Variants in ITPRID1 observed in about 807,000 individuals in gnomAD.
The protein encoded by ITPRID1 is ITPR interacting domain containing 1, also known as protein ITPRID1.
ITPRID1 carries 96 observed loss-of-function variants against 95.4 expected under a neutral mutation model. The ratio of observed to expected loss-of-function variants is 1.01; its 90% CI spans 0.85 to 1.19. ITPRID1 has a LOEUF of 1.19. Ranked by LOEUF, ITPRID1 falls within the 50% of genes most tolerant of loss-of-function variation. The probability of loss-of-function intolerance (pLI) is 0.00; values close to 1 mark genes in which losing one functional copy is unlikely to be tolerated. For missense variants in ITPRID1, 1,339 were observed against 1,252.9 expected (o/e 1.07, Z -1.04); for synonymous variants, 510 against 453.6 (o/e 1.12, Z -1.58).
intron 10 of ITPRID1, among the ~76,000 whole-genome samples, chr7:31,620,301 C>A (rs1030010583): frequency 1.3e-5 from 2 of 152,102 alleles, no homozygotes; most frequent in African/African-American, 4.8e-5. Flanking sequence ...GGGCAGACTG[C>A]CTCCTCAAGT....
chr7:31,628,014 A>T (rs1788633196), intron 10 of ITPRID1, among the ~76,000 whole-genome samples: 1 of 152,192 alleles, frequency 6.6e-6, no homozygotes, highest in East Asian at 1.9e-4. Context: ...AAGCACCTCA[A>T]GGTTAATAAG....
At position 31,642,246 on chromosome 7, in the gene ITPRID1, G is replaced by A. The variant is rs1277567601; in HGVS notation, c.1299G>A (p.Pro433=). Residue 433 remains proline, a synonymous_variant, in exon 11 of 15, where the codon CCG becomes CCA. Coordinates refer to ENST00000615280, the MANE Select transcript of ITPRID1 (RefSeq NM_001257967.3). ...GGTTCCTGGAGGAGCCGCTGGAACCGCTGCCCCTCCAGGTAGGAGGGTTTG... is the reference window on the plus strand; with the variant it reads ...GGTTCCTGGAGGAGCCGCTGGAACCACTGCCCCTCCAGGTAGGAGGGTTTG... The part of the protein sequence containing the change: ...SSGFLEEPLE[P]LPLQMPSLPN... 1.1e-5 allele frequency: 17 copies of A among 1,552,180 alleles called. No individual in the cohort carries two copies. The highest frequency in any genetic ancestry group is 8.2e-5 in the African/African-American group (6 of 73,132).
chr7:31,586,843 A>C (rs1785636348), intron 10 of ITPRID1, among the ~76,000 whole-genome samples: 1 of 151,686 alleles, frequency 6.6e-6, no homozygotes, highest in African/African-American at 2.4e-5. Context: ...TCTTTAGTTT[A>C]ATTAGATCCC....
intron 2 of ITPRID1, among the ~76,000 whole-genome samples, 174 bp downstream of exon 2, chr7:31,549,673 G>C (rs1439351672): frequency 6.6e-6 from 1 of 152,130 alleles, no homozygotes; most frequent in African/African-American, 2.4e-5. Context: ...TGACCTGAAA[G>C]CACTTGCTCT....
chr7:31,561,706 C>A (rs994112313), intron 5 of ITPRID1, among the ~76,000 whole-genome samples: 1 of 152,146 alleles, frequency 6.6e-6, no homozygotes, highest in African/African-American at 2.4e-5. Context: ...ATCTCCAGGG[C>A]GTTGTCTGTT....
Position 31,549,468 on chromosome 7 carries a change from G to T in ITPRID1, c.-55G>T. ...ACAAGAAGCAACACACAGAAGAGAAGGAAAAAGAAAGAAAACTGACCAATA... is the reference window on the plus strand; with the variant it reads ...ACAAGAAGCAACACACAGAAGAGAATGAAAAAGAAAGAAAACTGACCAATA... On this transcript the variant is annotated 5_prime_UTR_variant, in exon 2 of 15. The change creates a new upstream start codon in the 5' untranslated region. Transcript: ENST00000615280. The T allele has an allele frequency of 6.6e-7, 1 of 1,521,128 alleles. No individual in the cohort carries two copies. The highest frequency in any genetic ancestry group is 8.8e-7 in the Non-Finnish European group (1 of 1,140,988). The allele number at this position is 1,521,128 out of a possible 1,614,324, so 94.2% of individuals were successfully genotyped here.
rs755674766 is a variant in ITPRID1, at chr7:31,643,850, C to T, written c.2480C>T (p.Ser827Leu). Residue 827 changes from serine (S) to leucine (L), a missense_variant, in exon 12 of 15, where the codon TCA (serine) becomes TTA (leucine). Coordinates refer to ENST00000615280, the MANE Select transcript of ITPRID1 (RefSeq NM_001257967.3). Reference protein sequence around the residue: ...GERQSPGPEPSVCRHCLCSLT... With the variant: ...GERQSPGPEPLVCRHCLCSLT... ...AGGCAAAGCCCTGGCCCTGAACCCT[C>T]AGTCTGTAGGCACTGCCTGTGTTCA... 2 of 1,613,946 alleles carry T rather than the reference C, an allele frequency of 1.2e-6. No homozygotes were observed. Among genetic ancestry groups the T allele is most frequent in the Non-Finnish European group, 1.7e-6 (2 of 1,179,894 alleles).
intron 1 of ITPRID1, among the ~76,000 whole-genome samples, chr7:31,532,112 T>C (rs1023890857): frequency 6.6e-5 from 10 of 152,178 alleles, no homozygotes; most frequent in African/African-American, 2.2e-4. Context: ...CCTTTCCATT[T>C]TGAGATAATA....
chr7:31,613,306 T>G (rs1191147622), intron 10 of ITPRID1, among the ~76,000 whole-genome samples: 1 of 152,148 alleles, frequency 6.6e-6, no homozygotes, highest in Non-Finnish European at 1.5e-5. Flanking sequence ...TAAATGCTCC[T>G]CAGATTATTG....
intron 9 of ITPRID1, among the ~76,000 whole-genome samples, chr7:31,581,198 T>A (rs1785391000): frequency 1.3e-5 from 2 of 152,204 alleles, no homozygotes; most frequent in Admixed American, 1.3e-4. Flanking sequence ...GAATTTCAAG[T>A]ATGATTGGCC....
chr7:31,621,830 A>G (rs1458197605), intron 10 of ITPRID1, among the ~76,000 whole-genome samples: 1 of 151,674 alleles, frequency 6.6e-6, no homozygotes, highest in Non-Finnish European at 1.5e-5. Flanking sequence ...TAAAGAGTCA[A>G]GACCCATCAG....
intron 1 of ITPRID1, among the ~76,000 whole-genome samples, chr7:31,525,807 G>C (rs1484595477): frequency 6.6e-6 from 1 of 152,108 alleles, no homozygotes; most frequent in Admixed American, 6.6e-5. Context: ...TTAACAGCTA[G>C]ATTTATCATA....
rs567297710 is a variant in ITPRID1 at position 31,609,950 on chromosome 7, G to T, written c.1228+26759G>T. 2.6e-5 allele frequency among the ~76,000 whole-genome samples: 4 copies of T among 151,408 alleles called. No homozygotes were observed. In the South Asian group the frequency reaches 8.3e-4, roughly 31 times the overall value. Reference sequence around the variant, plus strand: ...ATTCCCCTCAAAGCCTGCTTTTGCTGCATTCATACATTTTGATATGTTTTG... The same window carrying T: ...ATTCCCCTCAAAGCCTGCTTTTGCTTCATTCATACATTTTGATATGTTTTG... On this transcript the variant is annotated intron_variant, in intron 10 of 14. Transcript: ENST00000615280.
chr7:31,614,945 T>C (rs907949447), intron 10 of ITPRID1, among the ~76,000 whole-genome samples: 1 of 152,174 alleles, frequency 6.6e-6, no homozygotes, highest in Admixed American at 6.5e-5. Context: ...TCACTGAGGG[T>C]CCATTGCTAG....
intron 10 of ITPRID1, among the ~76,000 whole-genome samples, chr7:31,596,258 A>T (rs1394495867): frequency 6.6e-6 from 1 of 151,480 alleles, no homozygotes; most frequent in Non-Finnish European, 1.5e-5. Context: ...CAATGAGAAA[A>T]AATTGCTATA....
At position 31,652,062 on chromosome 7, in the gene ITPRID1, G is replaced by A. The variant is rs1482351178; in HGVS notation, c.2823+12G>A. 1.7e-5 allele frequency: 26 copies of A among 1,561,330 alleles called. No individual in the cohort carries two copies. The highest frequency in any genetic ancestry group is 2.3e-5 in the Non-Finnish European group (26 of 1,144,640). On this transcript the variant is annotated intron_variant, in intron 14 of 14. Coordinates refer to ENST00000615280, the MANE Select transcript of ITPRID1 (RefSeq NM_001257967.3). The stretch of plus-strand genomic sequence containing the variant: ...AAGGGATTTTACTGGTATGGGTGAT[G>A]GGGTGTGGAGTTTGACTATATCCAG...
downstream of ITPRID1, among the ~76,000 whole-genome samples, chr7:31,657,660 G>A (rs191070960): frequency 7.5e-4 from 114 of 151,976 alleles, no homozygotes; most frequent in African/African-American, 2.5e-3. Context: ...CCATTATCAA[G>A]TCCCAAGATC....
At chr7:31,542,910 C>G (rs1233836389) in intron 1 of ITPRID1, among the ~76,000 whole-genome samples, 1 of 152,092 alleles carries the variant, frequency 6.6e-6, no homozygotes, top group Non-Finnish European at 1.5e-5. Flanking sequence ...ACAGCTTTTA[C>G]TTTTTCCTTA....
At chr7:31,572,329 A>G (rs1425214060) in intron 7 of ITPRID1, 141 bp downstream of exon 7, 1 of 606,724 alleles carries the variant, frequency 1.6e-6, no homozygotes, top group African/African-American at 1.9e-5. Flanking sequence ...TGCAATAACA[A>G]TATAAAAGAG....
Sources: gnomAD v4.1 joint callset for allele counts (sites outside exome capture counted in the v4.1 genomes callset) on GRCh38, gnomAD v4.1.1 for gene constraint, MANE v1.5 for transcripts, NCBI Gene and HGNC (gene_info 2026-07-23, HGNC 2026-07-21) for gene names.